Variants in NIN observed in about 807,000 individuals in gnomAD.
NIN encodes glycogen synthase kinase 3 beta-interacting protein.
Under a neutral mutation model 257.6 loss-of-function variants are expected in NIN, and 137 were observed. The ratio of observed to expected loss-of-function variants is 0.53; its 90% CI spans 0.46 to 0.61. NIN has a LOEUF of 0.61. Ranked by LOEUF, NIN falls within the 20% of genes least tolerant of loss-of-function variation. The pLI is 0.00. For missense variants in NIN, 2,439 were observed against 2,501.2 expected, an observed-to-expected ratio of 0.98 and a Z score of 0.53; for synonymous variants, 918 against 919.8, an observed-to-expected ratio of 1.00 and a Z score of 0.04.
chr14:50,827,866 C>A (rs1248737950), intron 2 of NIN, among the ~76,000 whole-genome samples: 2 of 151,284 alleles, frequency 1.3e-5, no homozygotes, highest in African/African-American at 4.9e-5. Flanking sequence ...TGTAAGCAAC[C>A]TTTATTATTT....
At chr14:50,813,180 A>G (rs538250265) in intron 3 of NIN, among the ~76,000 whole-genome samples, 24 of 152,298 alleles carry the variant, frequency 1.6e-4, no homozygotes, top group Non-Finnish European at 3.1e-4. Flanking sequence ...AGCAACTGCA[A>G]TGTTTTAAGT....
At chr14:50,725,863 G>A (rs753583282) in intron 30 of NIN, 90 bp downstream of exon 30, 1 of 1,607,424 alleles carries the variant, frequency 6.2e-7, no homozygotes, top group Non-Finnish European at 8.5e-7. Context: ...GACAACATAA[G>A]TTAACGAGTT....
chr14:50,771,222 ATGAGCAACAT>A, intron 10 of NIN, 100 bp downstream of exon 10: 1 of 1,337,318 alleles, frequency 7.5e-7, no homozygotes, highest in African/African-American at 1.5e-5. Flanking sequence ...TGGATAGAAG[ATGAGCAACAT>A]TTGCATACAG....
intron 4 of NIN, among the ~76,000 whole-genome samples, chr14:50,798,244 C>G (rs1301842085): frequency 6.6e-6 from 1 of 152,182 alleles, no homozygotes; most frequent in Non-Finnish European, 1.5e-5. Context: ...TTAATTAGGT[C>G]TTTCAGTTCC....
rs1489843191 is a variant in NIN at position 50,778,906 on chromosome 14, T to C, written c.436-102A>G. 4.2e-6 allele frequency: 5 copies of C among 1,182,742 alleles called. No homozygotes were observed. In the African/African-American group the frequency reaches 7.5e-5, roughly 18 times the overall value. The allele number at this position is 1,182,742 out of a possible 1,614,324, so 73.3% of individuals were successfully genotyped here. ...TCACTCTCTGGCTCTGAAATCATCA[T>C]CTAAGTGAGTCACATAATTTCAGGA... On this transcript the variant is annotated intron_variant, in intron 5 of 30. Transcript: ENST00000530997.
chr14:50,777,362 C>T (rs921236886), intron 6 of NIN, among the ~76,000 whole-genome samples: 1 of 152,098 alleles, frequency 6.6e-6, no homozygotes, highest in African/African-American at 2.4e-5. Flanking sequence ...ACAGTCATAC[C>T]GGTGTAATAA....
intron 28 of NIN, among the ~76,000 whole-genome samples, chr14:50,735,161 A>T (rs1287190189): frequency 6.6e-6 from 1 of 152,136 alleles, no homozygotes; most frequent in Non-Finnish European, 1.5e-5. Flanking sequence ...ATGTCTATAA[A>T]ATGCTGCAAT....
In NIN at chr14:50,806,758, C is replaced by T; in HGVS notation, c.244G>A (p.Glu82Lys). 1 of 1,588,272 alleles carries T rather than the reference C, an allele frequency of 6.3e-7. No homozygotes were observed. The highest frequency in any genetic ancestry group is 1.1e-5 in the South Asian group (1 of 89,818). Residue 82 changes from glutamate to lysine, a missense_variant, in exon 4 of 31, where the codon GAA (glutamate) becomes AAA (lysine). Transcript: ENST00000530997. Reference sequence around the variant, plus strand: ...TTACCTGGTTCTTGAAAGTGTTCTTCATTTGACAGAGTTCTGGACAAGATG... The same window carrying T: ...TTACCTGGTTCTTGAAAGTGTTCTTTATTTGACAGAGTTCTGGACAAGATG... ...ILILSRTLSN[E>K]EHFQEPDCSL...
intron 27 of NIN, among the ~76,000 whole-genome samples, chr14:50,737,495 C>CAAAA (rs58386910): frequency 8.1e-4 from 44 of 54,438 alleles, no homozygotes; most frequent in Admixed American, 1.0e-3. Flanking sequence ...TGTTACATAG[C>CAAAA]AAAAAAAAAA....
Position 50,771,420 on chromosome 14 carries a change from G to C in NIN, c.1030C>G (p.Leu344Val), listed in dbSNP as rs367851709. ...DGNINLTELT[L>V]ALENELLVTK... Reference sequence around the variant, plus strand: ...ACCAAAAGTTCATTTTCAAGGGCCAGTGTTAATTCTGTCAAATTGATGTTT... The same window carrying C: ...ACCAAAAGTTCATTTTCAAGGGCCACTGTTAATTCTGTCAAATTGATGTTT... The change falls in exon 10 of 31, where the codon CTG (leucine) becomes GTG (valine). Residue 344 changes from leucine to valine, a missense_variant. This residue lies in a region of NIN where 387 missense variants were observed against 427.3 expected (regional missense o/e 0.91). Coordinates refer to ENST00000530997, the MANE Select transcript of NIN (RefSeq NM_020921.4). The C allele has an allele frequency of 1.9e-5, 30 of 1,614,060 alleles. No individual in the cohort carries two copies. Among genetic ancestry groups the C allele is most frequent in the Non-Finnish European group, 6.8e-6 (8 of 1,180,026 alleles).
chr14:50,741,466 T>C, intron 25 of NIN, 116 bp downstream of exon 25: 2 of 793,150 alleles, frequency 2.5e-6, no homozygotes, highest in Admixed American at 5.2e-5. Context: ...CACAGATACA[T>C]AAAATATGCA....
intron 5 of NIN, among the ~76,000 whole-genome samples, chr14:50,789,597 C>A (rs1286426713): frequency 2.0e-5 from 3 of 152,004 alleles, no homozygotes; most frequent in South Asian, 2.1e-4. Context: ...ACAAAACAAA[C>A]AAACAAAAAA....
At chr14:50,793,125 C>T (rs2043674388) in intron 4 of NIN, among the ~76,000 whole-genome samples, 1 of 151,996 alleles carries the variant, frequency 6.6e-6, no homozygotes, top group African/African-American at 2.4e-5. Context: ...CCAACAATGG[C>T]AGCAAGGGAT....
chr14:50,743,885 T>C (rs2041411040), intron 23 of NIN, among the ~76,000 whole-genome samples: 1 of 152,150 alleles, frequency 6.6e-6, no homozygotes, highest in African/African-American at 2.4e-5. Flanking sequence ...AGGTGGTGTT[T>C]TGGGATTTGC....
intron 2 of NIN, among the ~76,000 whole-genome samples, chr14:50,828,638 T>C (rs908986142): frequency 1.3e-5 from 2 of 152,200 alleles, no homozygotes; most frequent in Admixed American, 6.5e-5. Flanking sequence ...TGCCCACCCT[T>C]TATCAATGTA....
intron 2 of NIN, among the ~76,000 whole-genome samples, chr14:50,824,031 T>TG (rs1302316688): frequency 1.3e-5 from 2 of 152,218 alleles, no homozygotes; most frequent in Non-Finnish European, 2.9e-5. Flanking sequence ...TTTTCAGTGT[T>TG]GCGGTAGCTC....
Position 50,723,132 on chromosome 14 carries a change from T to G in NIN, c.*331A>C, listed in dbSNP as rs1566768260. 4.1e-6 allele frequency: 1 copy of G among 243,168 alleles called. No homozygotes were observed. The highest frequency in any genetic ancestry group is 6.3e-5 in the East Asian group (1 of 15,822). 15.1% of individuals were successfully genotyped at this position (243,168 alleles called of 1,614,324 possible). A position where few individuals can be genotyped will look rare whatever the true frequency, so the allele number is the denominator to read the frequency against. On this transcript the variant is annotated 3_prime_UTR_variant, in exon 31 of 31. Coordinates refer to ENST00000530997, the MANE Select transcript of NIN (RefSeq NM_020921.4). ...AAATATCTAGATTTTACACATAGATTTGTAATAATTAAAAAAAAAACCAAA... is the reference window on the plus strand; with the variant it reads ...AAATATCTAGATTTTACACATAGATGTGTAATAATTAAAAAAAAAACCAAA...
In NIN at chr14:50,754,587, C is replaced by A; in HGVS notation, c.4710G>T (p.Lys1570Asn). ...CCTGTTTCTTTAAATTTTCAACCAT[C>A]TTCTGAACTGCAGCATTTTCTTGTT... ...TVKQENAAVQ[K>N]MVENLKKQIS... is the part of the protein sequence containing the mutation. The change falls in exon 20 of 31, where the codon AAG becomes AAT. Residue 1570 changes from lysine (K) to asparagine (N), a missense_variant. Transcript: ENST00000530997. 6.2e-7 allele frequency: 1 copy of A among 1,609,866 alleles called. No individual in the cohort carries two copies. The highest frequency in any genetic ancestry group is 2.2e-5 in the East Asian group (1 of 44,714).
chr14:50,795,190 A>G (rs1329162229), intron 4 of NIN, among the ~76,000 whole-genome samples: 1 of 152,258 alleles, frequency 6.6e-6, no homozygotes, highest in Non-Finnish European at 1.5e-5. Context: ...AAAATGGGTT[A>G]AAGTTTTCTC....
Sources: gnomAD v4.1 joint callset for allele counts (sites outside exome capture counted in the v4.1 genomes callset) on GRCh38, gnomAD v4.1.1 for gene constraint, gnomAD v4.1.1 regional missense constraint, MANE v1.5 for transcripts, NCBI Gene and HGNC (gene_info 2026-07-23, HGNC 2026-07-21) for gene names.